GPC5: variants seen among roughly 807,000 people sequenced by gnomAD.
GPC5 encodes glypican-5.
A neutral mutation model predicts 53.9 loss-of-function variants in GPC5; 47 were observed. The ratio of observed to expected loss-of-function variants is 0.87; its 90% CI spans 0.69 to 1.11. The LOEUF (loss-of-function observed/expected upper bound fraction) is 1.11, where lower values mean the gene tolerates loss of function less well. Ranked by LOEUF, GPC5 falls within the 50% of genes most tolerant of loss-of-function variation. The pLI, the probability that GPC5 is intolerant of heterozygous loss-of-function variation, is 0.00. For missense variants in GPC5, 748 were observed against 713.1 expected (o/e 1.05, Z -0.56); for synonymous variants, 286 against 263.3 (o/e 1.09, Z -0.84).
intron 2 of GPC5, among the ~76,000 whole-genome samples, chr13:91,543,006 A>G (rs549995419): frequency 2.2e-4 from 33 of 151,866 alleles, no homozygotes; most frequent in Middle Eastern, 3.4e-3. Context: ...ACAGGCGCCC[A>G]CCACCACGCC....
intron 4 of GPC5, among the ~76,000 whole-genome samples, chr13:91,737,197 T>G (rs1389803467): frequency 6.6e-6 from 1 of 151,470 alleles, no homozygotes; most frequent in Non-Finnish European, 1.5e-5. Context: ...AAAAGTGGTC[T>G]GTTTTGGGAT....
intron 7 of GPC5, among the ~76,000 whole-genome samples, chr13:92,736,016 T>TA (rs1366571289): frequency 1.3e-5 from 2 of 152,044 alleles, no homozygotes; most frequent in African/African-American, 4.8e-5. Context: ...CATAACATTA[T>TA]ACCCAGTTGT....
chr13:92,349,973 T>C (rs1239514572), intron 7 of GPC5, among the ~76,000 whole-genome samples: 2 of 152,052 alleles, frequency 1.3e-5, no homozygotes, highest in Non-Finnish European at 2.9e-5. Context: ...AACATAGACA[T>C]AAAAATCCTC....
chr13:92,434,540 T>C (rs1877225335), intron 7 of GPC5, among the ~76,000 whole-genome samples: 1 of 152,196 alleles, frequency 6.6e-6, no homozygotes, highest in Non-Finnish European at 1.5e-5. Context: ...GATGACCTTT[T>C]CTTTAATGAT....
Position 92,582,232 on chromosome 13 carries a change from T to C in GPC5, c.1562-284050T>C, listed in dbSNP as rs1198024833. The stretch of plus-strand genomic sequence containing the variant: ...GAGTTGACTTTTGTATTTGGTGTAA[T>C]ACAAAAGTTGAATTTCATTTTTCTG... On this transcript the variant is annotated intron_variant, in intron 7 of 7. Coordinates refer to ENST00000377067, the MANE Select transcript of GPC5 (RefSeq NM_004466.6). Among the ~76,000 whole-genome samples the C allele has an allele frequency of 2.0e-5, 3 of 152,260 alleles. No individual in the cohort carries two copies. The East Asian group carries it at 5.8e-4, about 29-fold the overall frequency.
At chr13:91,415,693 T>C (rs1372873310) in intron 1 of GPC5, among the ~76,000 whole-genome samples, 1 of 147,392 alleles carries the variant, frequency 6.8e-6, no homozygotes, top group Non-Finnish European at 1.5e-5. Flanking sequence ...ACAAAAGTTT[T>C]CATTTATAAA....
chr13:91,510,737 A>G (rs372922511), intron 2 of GPC5, among the ~76,000 whole-genome samples: 1 of 152,074 alleles, frequency 6.6e-6, no homozygotes, highest in Non-Finnish European at 1.5e-5. Context: ...TCCATAATGG[A>G]TATAACTATT....
intron 2 of GPC5, among the ~76,000 whole-genome samples, chr13:91,458,220 G>A (rs1158409036): frequency 1.3e-5 from 2 of 152,096 alleles, no homozygotes; most frequent in African/African-American, 2.4e-5. Flanking sequence ...CAGAGGAATA[G>A]CAGCAAGGAG....
At chr13:91,500,811 T>G (rs1467281921) in intron 2 of GPC5, among the ~76,000 whole-genome samples, 1 of 152,156 alleles carries the variant, frequency 6.6e-6, no homozygotes, top group Non-Finnish European at 1.5e-5. Flanking sequence ...CTCCCATAAT[T>G]CCCACATGTT....
chr13:91,904,550 CT>C (rs1223055688), intron 5 of GPC5, among the ~76,000 whole-genome samples: 1 of 151,674 alleles, frequency 6.6e-6, no homozygotes, highest in African/African-American at 2.4e-5. Flanking sequence ...ATAGTGTGGC[CT>C]TATTTGAGTA....
At chr13:91,697,602 C>A (rs886775081) in intron 3 of GPC5, among the ~76,000 whole-genome samples, 6 of 151,780 alleles carry the variant, frequency 4.0e-5, no homozygotes, top group African/African-American at 1.5e-4. Context: ...AAGTCTCTAA[C>A]GTATTTTTAA....
intron 7 of GPC5, among the ~76,000 whole-genome samples, chr13:92,813,362 G>A (rs182234803): frequency 8.6e-5 from 13 of 151,908 alleles, no homozygotes; most frequent in African/African-American, 1.7e-4. Flanking sequence ...TAATGAACAC[G>A]TTTTAAATAA....
intron 2 of GPC5, chr13:91,486,807 G>A (rs984134455): frequency 6.6e-6 from 1 of 152,216 alleles, no homozygotes; most frequent in Non-Finnish European, 1.5e-5. Context: ...TGGACTCAGC[G>A]AGTTGATTCT....
chr13:92,437,980 A>T (rs1877384396), intron 7 of GPC5, among the ~76,000 whole-genome samples: 1 of 152,112 alleles, frequency 6.6e-6, no homozygotes, highest in Admixed American at 6.6e-5. Flanking sequence ...AAGTGAACTG[A>T]TTATTGATTT....
rs372391428 is a variant in GPC5, at chr13:92,138,545, A to T, written c.1402-6285A>T. Among the ~76,000 whole-genome samples, 30 of 85,464 alleles carry T rather than the reference A, an allele frequency of 3.5e-4. No individual in the cohort carries two copies. The East Asian group carries it at 5.6e-3, about 16-fold the overall frequency. The allele number at this position is 85,464 out of a possible 152,430, so 56.1% of individuals were successfully genotyped here. A position where few individuals can be genotyped will look rare whatever the true frequency, so the allele number is the denominator to read the frequency against. On this transcript the variant is annotated intron_variant, in intron 6 of 7. Transcript: ENST00000377067. The stretch of plus-strand genomic sequence containing the variant: ...AAAAAAATAAAAAATAAAAAATAAA[A>T]AAAAATAAAAATAAAAATAAAAATA...
intron 7 of GPC5, among the ~76,000 whole-genome samples, chr13:92,164,812 T>C (rs1214399856): frequency 6.6e-6 from 1 of 152,228 alleles, no homozygotes; most frequent in South Asian, 2.1e-4. Context: ...CACCTCTGCC[T>C]GGACATCCAG....
At chr13:92,790,795 C>A (rs1197663462) in intron 7 of GPC5, among the ~76,000 whole-genome samples, 1 of 152,048 alleles carries the variant, frequency 6.6e-6, no homozygotes, top group Non-Finnish European at 1.5e-5. Flanking sequence ...ATGACCTTGT[C>A]CCTCCTTCAT....
At chr13:92,720,131 T>A (rs1888464439) in intron 7 of GPC5, among the ~76,000 whole-genome samples, 1 of 152,156 alleles carries the variant, frequency 6.6e-6, no homozygotes, top group South Asian at 2.1e-4. Context: ...CTATCTACTC[T>A]GGCAAAGAAA....
intron 7 of GPC5, among the ~76,000 whole-genome samples, chr13:92,646,885 C>T (rs1885787853): frequency 6.8e-6 from 1 of 147,852 alleles, no homozygotes; most frequent in African/African-American, 2.5e-5. Flanking sequence ...TATCTGTAAA[C>T]ATATATGTAA....
Sources: allele counts gnomAD v4.1 joint callset (sites outside exome capture counted in the v4.1 genomes callset), GRCh38; gene constraint gnomAD v4.1.1; transcripts MANE v1.5; gene names NCBI Gene and HGNC (gene_info 2026-07-23, HGNC 2026-07-21).